Variants in ADGRB1 observed in about 807,000 individuals in gnomAD.
ADGRB1 encodes adhesion G protein-coupled receptor B1.
ADGRB1 carries 36 observed loss-of-function variants against 175.7 expected under a neutral mutation model. That is an observed-to-expected ratio of 0.20 (90% CI 0.16 to 0.27). ADGRB1 has a LOEUF of 0.27. Among genes scored for constraint, ADGRB1 ranks in the 10% least tolerant of loss-of-function variants. The pLI is 1.00. For synonymous variants in ADGRB1, 1,054 were observed against 979.4 expected, an observed-to-expected ratio of 1.08 and a Z score of -1.42; for missense variants, 1,731 against 2,255.3, an observed-to-expected ratio of 0.77 and a Z score of 4.71.
chr8:142,461,153 C>T (rs1178132766), intron 1 of ADGRB1, among the ~76,000 whole-genome samples: 1 of 152,206 alleles, frequency 6.6e-6, no homozygotes, highest in Non-Finnish European at 1.5e-5. Context: ...CATGCTGGGC[C>T]GTGCTGTGCA....
Position 142,510,600 on chromosome 8 carries a change from G to A in ADGRB1, c.2676-332G>A, listed in dbSNP as rs1261683277. 1.4e-5 allele frequency among the ~76,000 whole-genome samples: 2 copies of A among 146,562 alleles called. No individual in the cohort carries two copies. Among genetic ancestry groups the A allele is most frequent in the African/African-American group, 4.9e-5 (2 of 40,792 alleles). ...GGGCCCCGGAGGAGCTGGGGGCGGC[G>A]GGGGCGCGGGGCGGGCGACTGCCGG... is the stretch of plus-strand genomic sequence containing the variant. On this transcript the variant is annotated intron_variant, in intron 17 of 30. Transcript: ENST00000517894. This position sits in a 1 kb window ranked among gnomAD's most constrained non-coding sequence, Gnocchi z 6.3.
rs867227542 is a variant in ADGRB1, at chr8:142,511,995, T to A, written c.2817+922T>A. The stretch of plus-strand genomic sequence containing the variant: ...CCCTTGGGGAACCCCGGGTTCGATG[T>A]AGAAGGTAGCGCCTAGCCTCTCGGA... On this transcript the variant is annotated intron_variant, in intron 18 of 30. Coordinates refer to ENST00000517894, the MANE Select transcript of ADGRB1 (RefSeq NM_001702.3). This position sits in a 1 kb window ranked among gnomAD's most constrained non-coding sequence, Gnocchi z 4.5. 6.6e-6 allele frequency among the ~76,000 whole-genome samples: 1 copy of A among 152,312 alleles called. No individual in the cohort carries two copies. Among genetic ancestry groups the A allele is most frequent in the African/African-American group, 2.4e-5 (1 of 41,572 alleles).
At position 142,481,248 on chromosome 8, in the gene ADGRB1, C is replaced by A; in HGVS notation, c.1829-6C>A. 1 of 1,612,870 alleles carries A rather than the reference C, an allele frequency of 6.2e-7. No homozygotes were observed. The highest frequency in any genetic ancestry group is 8.5e-7 in the Non-Finnish European group (1 of 1,179,170). On this transcript the variant is annotated splice_region_variant and splice_polypyrimidine_tract_variant and intron_variant, in intron 9 of 30. Coordinates refer to ENST00000517894, the MANE Select transcript of ADGRB1 (RefSeq NM_001702.3). ...CATCCACCTGAGAAGGGGATGGTCT[C>A]CCCAGGACTCATCCTGCGACGGTGT...
In ADGRB1 at chr8:142,534,241, C is replaced by A. The variant is rs111983629; in HGVS notation, c.3570+775C>A. Among the ~76,000 whole-genome samples, 1,018 of 152,336 alleles carry A rather than the reference C, an allele frequency of 6.7e-3. 10 individuals carry two copies. Among genetic ancestry groups the A allele is most frequent in the African/African-American group, 0.022 (915 of 41,584 alleles). ...CGGTGTCAGGAGTGGGGCCCGCCCCCTCCCCAGGATCTCTGGCTGCCACAG... is the reference window on the plus strand; with the variant it reads ...CGGTGTCAGGAGTGGGGCCCGCCCCATCCCCAGGATCTCTGGCTGCCACAG... On this transcript the variant is annotated intron_variant, in intron 25 of 30. Transcript: ENST00000517894.
chr8:142,534,519 G>C (rs551776053), intron 25 of ADGRB1, among the ~76,000 whole-genome samples: 1 of 152,184 alleles, frequency 6.6e-6, no homozygotes, highest in Non-Finnish European at 1.5e-5. Flanking sequence ...AGACCTCTGC[G>C]GGGAGGTGTG....
chr8:142,461,064 A>T (rs1213616462), intron 1 of ADGRB1, among the ~76,000 whole-genome samples: 1 of 152,192 alleles, frequency 6.6e-6, no homozygotes, highest in Non-Finnish European at 1.5e-5. Flanking sequence ...AGGGGATGCC[A>T]GGAGGTCTCC....
intron 17 of ADGRB1, among the ~76,000 whole-genome samples, chr8:142,496,685 T>C (rs1842232019): frequency 6.6e-6 from 1 of 151,418 alleles, no homozygotes; most frequent in African/African-American, 2.5e-5. Context: ...TCATGCACTC[T>C]GTCTTTACTC....
intron 6 of ADGRB1, among the ~76,000 whole-genome samples, 164 bp from the exon 7 acceptor site, chr8:142,478,023 C>A (rs144609610): frequency 6.6e-6 from 1 of 150,704 alleles, no homozygotes; most frequent in African/African-American, 2.4e-5. Flanking sequence ...GGTGTTCTCA[C>A]CCATGTCACA....
chr8:142,492,013 C>CGG lies in ADGRB1; in HGVS notation c.2675+1199_2675+1200dup, dbSNP rs1027610084. ...GCAGGCAGGGGCTCAGGGGAGGCCG[C>CGG]GGCAGGGTGAGGACAGTTAGTGGGG... On this transcript the variant is annotated intron_variant, in intron 17 of 30. Coordinates refer to ENST00000517894, the MANE Select transcript of ADGRB1 (RefSeq NM_001702.3). The surrounding 1 kb of genome is among the most constrained non-coding windows in gnomAD (Gnocchi z 4.4). 5.9e-5 allele frequency among the ~76,000 whole-genome samples: 9 copies of CGG among 151,956 alleles called. No homozygotes were observed. Among genetic ancestry groups the CGG allele is most frequent in the African/African-American group, 2.2e-4 (9 of 41,360 alleles).
intron 2 of ADGRB1, among the ~76,000 whole-genome samples, chr8:142,469,232 AAT>A (rs1166568121): frequency 4.1e-5 from 6 of 145,726 alleles, no homozygotes; most frequent in Admixed American, 2.0e-4. Context: ...TGTGAATGTG[AAT>A]GTGTGCACAC....
At chr8:142,472,402 C>T (rs913521991) in intron 2 of ADGRB1, among the ~76,000 whole-genome samples, 1 of 152,176 alleles carries the variant, frequency 6.6e-6, no homozygotes, top group Admixed American at 6.5e-5. Context: ...GGAAGAAAGG[C>T]GGTTTCTTTC....
chr8:142,526,098 G>C (rs1412613745), intron 23 of ADGRB1, among the ~76,000 whole-genome samples: 2 of 152,186 alleles, frequency 1.3e-5, no homozygotes, highest in Non-Finnish European at 2.9e-5. Context: ...GGGGTGGGCA[G>C]TTAATCTGAT....
chr8:142,481,973 T>C (rs150070078), intron 11 of ADGRB1, among the ~76,000 whole-genome samples: 157 of 149,368 alleles, frequency 1.1e-3, no homozygotes, highest in African/African-American at 3.5e-3. Context: ...GCCCTGATCC[T>C]GGTCACACAC....
intron 18 of ADGRB1, among the ~76,000 whole-genome samples, chr8:142,516,705 A>C (rs763670700): frequency 0.046 from 3,656 of 79,636 alleles, 61 homozygotes; most frequent in Non-Finnish European, 0.067. Flanking sequence ...AGGTGCGTGC[A>C]TGTGTGCGGG....
At chr8:142,488,615 T>A in intron 14 of ADGRB1, 108 bp downstream of exon 14, 1 of 1,424,776 alleles carries the variant, frequency 7.0e-7, no homozygotes, top group South Asian at 1.4e-5. Flanking sequence ...GTTGGGCGGT[T>A]CTCAAGGGGG....
intron 1 of ADGRB1, among the ~76,000 whole-genome samples, chr8:142,460,340 C>G (rs1007062260): frequency 2.6e-5 from 4 of 152,234 alleles, no homozygotes; most frequent in Admixed American, 6.5e-5. Context: ...GGCCTGGGCT[C>G]CTGCCCAGCA....
chr8:142,462,189 T>TA (rs1482387796), intron 1 of ADGRB1, among the ~76,000 whole-genome samples: 2 of 152,110 alleles, frequency 1.3e-5, no homozygotes, highest in African/African-American at 2.4e-5. Context: ...TGTCCCTTTC[T>TA]AAAAAAATTT....
At chr8:142,502,649 G>A (rs570643085) in intron 17 of ADGRB1, among the ~76,000 whole-genome samples, 1 of 59,842 alleles carries the variant, frequency 1.7e-5, no homozygotes, top group Admixed American at 1.5e-4. Flanking sequence ...CGGTGGTGAT[G>A]GTGGTGATGG....
Position 142,511,727 on chromosome 8 carries a change from G to A in ADGRB1, c.2817+654G>A, listed in dbSNP as rs1843116418. Among the ~76,000 whole-genome samples, 1 of 152,236 alleles carries A rather than the reference G, an allele frequency of 6.6e-6. No individual in the cohort carries two copies. Among genetic ancestry groups the A allele is most frequent in the Non-Finnish European group, 1.5e-5 (1 of 68,030 alleles). On this transcript the variant is annotated intron_variant, in intron 18 of 30. Coordinates refer to ENST00000517894, the MANE Select transcript of ADGRB1 (RefSeq NM_001702.3). This position sits in a 1 kb window ranked among gnomAD's most constrained non-coding sequence, Gnocchi z 4.5. ...TGGGTGCTGGGCGCAGCTCCCTGGG[G>A]CGGGTGGGCTCTCTTGCTTTGGGCC...
Sources: allele counts gnomAD v4.1 joint callset (sites outside exome capture counted in the v4.1 genomes callset), GRCh38; gene constraint gnomAD v4.1.1; non-coding constraint Gnocchi (gnomAD v3.1); transcripts MANE v1.5; gene names NCBI Gene and HGNC (gene_info 2026-07-23, HGNC 2026-07-21).